Variants in DNAJB13 observed in about 807,000 individuals in gnomAD.
DNAJB13 encodes the protein dnaJ homolog subfamily B member 13.
DNAJB13 carries 22 observed loss-of-function variants against 35.6 expected under a neutral mutation model. The ratio of observed to expected loss-of-function variants is 0.62; its 90% CI spans 0.44 to 0.88. The LOEUF (loss-of-function observed/expected upper bound fraction) is 0.88, where lower values mean the gene tolerates loss of function less well. Among genes scored for constraint, DNAJB13 ranks in the 40% least tolerant of loss-of-function variants. The probability of loss-of-function intolerance (pLI) is 0.00; values close to 1 mark genes in which losing one functional copy is unlikely to be tolerated. For missense variants in DNAJB13, 370 were observed against 384.3 expected, an observed-to-expected ratio of 0.96 and a Z score of 0.31; for synonymous variants, 136 against 144.2, an observed-to-expected ratio of 0.94 and a Z score of 0.41.
chr11:73,969,147 A>C (rs531054789), intron 6 of DNAJB13, 99 bp from the exon 7 acceptor site: 2 of 617,086 alleles, frequency 3.2e-6, no homozygotes, highest in African/African-American at 3.7e-5. Flanking sequence ...CTTGTGCCCA[A>C]CTCACAGTCT....
Position 73,966,138 on chromosome 11 carries a change from G to A in DNAJB13, c.493G>A (p.Val165Met), listed in dbSNP as rs754966189. The A allele has an allele frequency of 9.3e-6, 15 of 1,611,692 alleles. No individual in the cohort carries two copies. The highest frequency in any genetic ancestry group is 1.3e-5 in the African/African-American group (1 of 74,890). Residue 165 changes from valine (V) to methionine (M), a missense_variant and splice_region_variant, in exon 5 of 8, where the codon GTG becomes ATG. Coordinates refer to ENST00000339764, the MANE Select transcript of DNAJB13 (RefSeq NM_153614.4). ...CCCCACACCTGATATGTTGCTATAG[G>A]TGCTGAACGAGGATGGGTACTCCTC... ...CTKKIKISRR[V>M]LNEDGYSSTI...
Position 73,969,325 on chromosome 11 carries a change from G to T in DNAJB13, c.797+3G>T. 1 of 872,376 alleles carries T rather than the reference G, an allele frequency of 1.1e-6. No homozygotes were observed. Among genetic ancestry groups the T allele is most frequent in the South Asian group, 1.3e-5 (1 of 76,496 alleles). The allele number at this position is 872,376 out of a possible 1,614,324, so 54.0% of individuals were successfully genotyped here. A position where few individuals can be genotyped will look rare whatever the true frequency, so the allele number is the denominator to read the frequency against. The stretch of plus-strand genomic sequence containing the variant: ...ATCCCCATCAATGACATCATCCAGT[G>T]AGTCCATCTGCCTTGGGCCCCAGTA... On this transcript the variant is annotated splice_donor_region_variant and intron_variant, in intron 7 of 7. Transcript: ENST00000339764.
chr11:73,951,497 T>C (rs1293524763), intron 1 of DNAJB13, among the ~76,000 whole-genome samples: 1 of 152,198 alleles, frequency 6.6e-6, no homozygotes, highest in Non-Finnish European at 1.5e-5. Flanking sequence ...CCAGGCCAGA[T>C]GGATGTTTTA....
At chr11:73,963,041 A>G (rs543483899) in intron 3 of DNAJB13, among the ~76,000 whole-genome samples, 1 of 151,952 alleles carries the variant, frequency 6.6e-6, no homozygotes, top group African/African-American at 2.4e-5. Flanking sequence ...GGGCTTTGCA[A>G]TCGGCCGGGC....
At chr11:73,959,307 G>A (rs1342198153) in intron 2 of DNAJB13, among the ~76,000 whole-genome samples, 187 bp from the exon 3 acceptor site, 1 of 151,992 alleles carries the variant, frequency 6.6e-6, no homozygotes. Context: ...CCATACCTAG[G>A]TCCTCCCAGA....
At position 73,968,377 on chromosome 11, in the gene DNAJB13, C is replaced by T. The variant is rs1565178996; in HGVS notation, c.639C>T (p.Phe213=). The T allele has an allele frequency of 6.2e-7, 1 of 1,614,176 alleles. No individual in the cohort carries two copies. The highest frequency in any genetic ancestry group is 1.7e-5 in the Admixed American group (1 of 60,024). The change falls in exon 6 of 8, where the codon TTC becomes TTT. Residue 213 remains phenylalanine (F), a synonymous_variant. Transcript: ENST00000339764. ...GPNIIPADII[F]IVKEKLHPRF... ...ACATCATCCCAGCAGACATCATTTT[C>T]ATCGTAAAGGAGAAGCTACACCCTC...
chr11:73,957,020 G>C (rs71464101), intron 1 of DNAJB13, among the ~76,000 whole-genome samples: 1 of 152,098 alleles, frequency 6.6e-6, no homozygotes, highest in South Asian at 2.1e-4. Context: ...GTGGGCACTA[G>C]AAAAGCGGGT....
At chr11:73,960,511 A>T (rs1321169126) in intron 3 of DNAJB13, among the ~76,000 whole-genome samples, 1 of 150,724 alleles carries the variant, frequency 6.6e-6, no homozygotes, top group African/African-American at 2.4e-5. Context: ...GAGTAGAGAC[A>T]GGGTTTCGCC....
At position 73,954,039 on chromosome 11, in the gene DNAJB13, T is replaced by TAAA. The variant is rs1565166858; in HGVS notation, c.68+2904_68+2905insAAA. ...ATAATAATAATAATAATAATAATAATAATGGCTGGACACAGTGGCTCACAC... is the reference window on the plus strand; with the variant it reads ...ATAATAATAATAATAATAATAATAATAAAAATGGCTGGACACAGTGGCTCACAC... On this transcript the variant is annotated intron_variant, in intron 1 of 7. Transcript: ENST00000339764. Among the ~76,000 whole-genome samples, 89 of 145,276 alleles carry TAAA rather than the reference T, an allele frequency of 6.1e-4. 2 individuals are homozygous for TAAA. The East Asian group carries it at 7.5e-3, about 12-fold the overall frequency.
At position 73,964,903 on chromosome 11, in the gene DNAJB13, G is replaced by A; in HGVS notation, c.360G>A (p.Glu120=). The A allele has an allele frequency of 6.2e-7, 1 of 1,613,540 alleles. No homozygotes were observed. Among genetic ancestry groups the A allele is most frequent in the Non-Finnish European group, 8.5e-7 (1 of 1,179,966 alleles). ...FSEFFDAEGS[E]VDLNFGGLQG... is the part of the protein sequence containing the mutation. ...AGTTTTTTGATGCAGAAGGAAGTGA[G>A]GTAGATTTGAACTTTGGGGGGCTCC... The change falls in exon 4 of 8, where the codon GAG becomes GAA. Residue 120 remains glutamate (E), a synonymous_variant. Transcript: ENST00000339764.
chr11:73,955,370 A>T (rs995198955), intron 1 of DNAJB13, among the ~76,000 whole-genome samples: 1 of 147,984 alleles, frequency 6.8e-6, no homozygotes, highest in Admixed American at 6.8e-5. Context: ...GTGCAGTGGC[A>T]GGATCTCTGC....
At position 73,968,364 on chromosome 11, in the gene DNAJB13, C is replaced by A. The variant is rs555430903; in HGVS notation, c.626C>A (p.Ala209Glu). Residue 209 changes from alanine (A) to glutamate (E), a missense_variant, in exon 6 of 8, where the codon GCA becomes GAA. Ala to Glu is a moderately radical substitution (Grantham distance 107, BLOSUM62 -1). Coordinates refer to ENST00000339764, the MANE Select transcript of DNAJB13 (RefSeq NM_153614.4). ...EGDQGPNIIPADIIFIVKEKL... is the reference protein window; with the variant it reads ...EGDQGPNIIPEDIIFIVKEKL... ...GCCCAGGGCCCCAACATCATCCCAG[C>A]AGACATCATTTTCATCGTAAAGGAG... 38 of 1,614,160 alleles carry A rather than the reference C, an allele frequency of 2.4e-5. 1 individual carries two copies. In the South Asian group the frequency reaches 4.2e-4, roughly 18 times the overall value.
intron 3 of DNAJB13, chr11:73,964,356 A>G (rs1951019520): frequency 6.3e-6 from 1 of 158,310 alleles, no homozygotes; most frequent in African/African-American, 2.4e-5. Context: ...CTTTATAGAA[A>G]CTTGAGTCTG....
chr11:73,953,269 T>C (rs1167858343), intron 1 of DNAJB13, among the ~76,000 whole-genome samples: 1 of 152,136 alleles, frequency 6.6e-6, no homozygotes, highest in Admixed American at 6.6e-5. Context: ...CTCATGCCTG[T>C]AATCCCAGCA....
intron 1 of DNAJB13, among the ~76,000 whole-genome samples, chr11:73,955,176 G>A (rs966484020): frequency 4.6e-5 from 7 of 151,964 alleles, no homozygotes; most frequent in Admixed American, 2.0e-4. Context: ...TAATTGCAGC[G>A]TTCAAGCTGT....
intron 7 of DNAJB13, among the ~76,000 whole-genome samples, chr11:73,969,654 C>A (rs951622534): frequency 6.6e-6 from 1 of 152,226 alleles, no homozygotes; most frequent in Non-Finnish European, 1.5e-5. Context: ...CCAAGAAAGG[C>A]CCTCTGCCCG....
intron 3 of DNAJB13, 171 bp downstream of exon 3, chr11:73,959,826 G>C (rs1950877707): frequency 1.7e-6 from 1 of 581,288 alleles, no homozygotes; most frequent in Middle Eastern, 5.3e-4. Flanking sequence ...GCAGTAGTGG[G>C]ATCATGGCTT....
chr11:73,951,229 G>A (rs1464039702), intron 1 of DNAJB13, 92 bp downstream of exon 1: 44 of 1,471,494 alleles, frequency 3.0e-5, no homozygotes, highest in Admixed American at 2.0e-4. Context: ...ACAGCTTAGC[G>A]CAGACAAGGT....
intron 1 of DNAJB13, among the ~76,000 whole-genome samples, chr11:73,954,651 T>TAA (rs1565167535): frequency 1.5e-5 from 2 of 130,878 alleles, no homozygotes; most frequent in Non-Finnish European, 1.6e-5. Context: ...ATAAAATAAA[T>TAA]AAATAAATAA....
Sources: gnomAD v4.1 joint callset for allele counts (sites outside exome capture counted in the v4.1 genomes callset) on GRCh38, gnomAD v4.1.1 for gene constraint, MANE v1.5 for transcripts, NCBI Gene and HGNC (gene_info 2026-07-23, HGNC 2026-07-21) for gene names.